The following FBLN7 variants were observed in gnomAD, a reference collection of about 807,000 sequenced individuals.
FBLN7 encodes the protein fibulin-7.
In FBLN7, 31 loss-of-function variants were observed where a neutral mutation model predicts 44.0. The ratio of observed to expected loss-of-function variants is 0.70; its 90% CI spans 0.53 to 0.95. The LOEUF is 0.95. Among genes scored for constraint, FBLN7 ranks in the 40% least tolerant of loss-of-function variants. FBLN7 has a pLI of 0.00. For synonymous variants in FBLN7, 262 were observed against 253.4 expected, an observed-to-expected ratio of 1.03 and a Z score of -0.32; for missense variants, 573 against 618.5, an observed-to-expected ratio of 0.93 and a Z score of 0.78.
At chr2:112,188,541 G>C (rs922161671), downstream of FBLN7, 1 of 152,092 alleles carries the variant, frequency 6.6e-6, no homozygotes, top group African/African-American at 2.4e-5. Context: ...GGTGTGGTAG[G>C]ATGGGGTATG....
chr2:112,199,503 A>G, the FBLN7 span, among the ~76,000 whole-genome samples: 447 of 152,062 alleles, frequency 2.9e-3, 2 homozygotes, highest in Non-Finnish European at 5.2e-3. Context: ...ACACCCACTC[A>G]CTCACACAGC....
intron 2 of FBLN7, among the ~76,000 whole-genome samples, 181 bp downstream of exon 2, chr2:112,160,016 A>G (rs938064071): frequency 1.3e-5 from 2 of 150,846 alleles, no homozygotes; most frequent in Non-Finnish European, 1.5e-5. Context: ...TTTGAGACGG[A>G]GTCTCGCTCT....
the FBLN7 span, among the ~76,000 whole-genome samples, chr2:112,229,078 T>C: frequency 1.5e-4 from 23 of 152,168 alleles, no homozygotes; most frequent in Non-Finnish European, 2.8e-4. Flanking sequence ...AGATAGTATA[T>C]ACTGGAGAAA....
the FBLN7 span, among the ~76,000 whole-genome samples, chr2:112,204,526 G>A: frequency 6.6e-6 from 1 of 152,048 alleles, no homozygotes; most frequent in Non-Finnish European, 1.5e-5. Context: ...TGGTCAAACT[G>A]TTGAAAGTCA....
rs199745334 is a variant in FBLN7, at chr2:112,148,343, T to G, written c.75+9613T>G. 9.8e-5 allele frequency among the ~76,000 whole-genome samples: 15 copies of G among 152,304 alleles called. No homozygotes were observed. In the East Asian group the frequency reaches 2.7e-3, roughly 27 times the overall value. ...TGTTCACTAACCCTGAAGTAGAGAT[T>G]TTAATACTAATGCATGAAGATGAGC... is the stretch of plus-strand genomic sequence containing the variant. On this transcript the variant is annotated intron_variant, in intron 1 of 7. Coordinates refer to ENST00000331203, the MANE Select transcript of FBLN7 (RefSeq NM_153214.3).
chr2:112,193,421 CAG>C, the FBLN7 span, among the ~76,000 whole-genome samples: 15 of 152,216 alleles, frequency 9.9e-5, no homozygotes, highest in African/African-American at 3.1e-4. Flanking sequence ...GCCTAGGTGA[CAG>C]AGCAAGACTC....
At chr2:112,196,976 A>G in the FBLN7 span, among the ~76,000 whole-genome samples, 1 of 151,920 alleles carries the variant, frequency 6.6e-6, no homozygotes, top group Admixed American at 6.6e-5. Context: ...ATCTCCTAAG[A>G]CTTATTCACT....
chr2:112,159,947 TC>T lies in FBLN7; in HGVS notation c.235+114del, dbSNP rs1325431830. 14 of 822,136 alleles carry T rather than the reference TC, an allele frequency of 1.7e-5. No homozygotes were observed. The East Asian group carries it at 4.7e-4, about 28-fold the overall frequency. The allele number at this position is 822,136 out of a possible 1,614,324, so 50.9% of individuals were successfully genotyped here. On this transcript the variant is annotated intron_variant, in intron 2 of 7. Transcript: ENST00000331203. ...ACCCCTCACCCTTCCCCCATCACCT[TC>T]CATCTTCCAACTGTGGCCCCCCCTT...
the FBLN7 span, among the ~76,000 whole-genome samples, chr2:112,204,445 T>C: frequency 1.1e-4 from 16 of 152,022 alleles, no homozygotes; most frequent in African/African-American, 3.9e-4. Flanking sequence ...AAAACACTAA[T>C]ATGCACATCC....
the FBLN7 span, among the ~76,000 whole-genome samples, chr2:112,222,995 G>GT: frequency 1.3e-5 from 2 of 151,880 alleles, no homozygotes; most frequent in African/African-American, 4.8e-5. Flanking sequence ...TTTCTTTAGT[G>GT]TTTTTTTAAA....
chr2:112,178,160 T>C (rs1213998923), intron 4 of FBLN7: 2 of 151,004 alleles, frequency 1.3e-5, no homozygotes, highest in Non-Finnish European at 2.9e-5. Context: ...ACAGCGAGAC[T>C]CTGTCTCAAA....
the FBLN7 span, among the ~76,000 whole-genome samples, chr2:112,223,350 T>C: frequency 2.4e-4 from 36 of 152,166 alleles, no homozygotes; most frequent in African/African-American, 8.4e-4. Context: ...TTAGATGTAA[T>C]GGACAAATTT....
chr2:112,175,655 GTATT>G (rs1229823585), intron 3 of FBLN7, 55 bp from the exon 4 acceptor site: 4 of 1,593,458 alleles, frequency 2.5e-6, no homozygotes, highest in Non-Finnish European at 3.4e-6. Context: ...GTTTTTTATT[GTATT>G]TGTTTTAGAC....
chr2:112,145,453 TTATA>T (rs1234244740), intron 1 of FBLN7, among the ~76,000 whole-genome samples: 3 of 152,182 alleles, frequency 2.0e-5, no homozygotes, highest in Non-Finnish European at 2.9e-5. Context: ...TGAGCGCTCT[TTATA>T]TATTCTAAAT....
At chr2:112,180,913 ACT>A (rs1682953444) in intron 4 of FBLN7, among the ~76,000 whole-genome samples, 1 of 108,738 alleles carries the variant, frequency 9.2e-6, no homozygotes, top group East Asian at 2.8e-4. Context: ...ACAGAGTGAG[ACT>A]CTGTCTCAAA....
intron 1 of FBLN7, among the ~76,000 whole-genome samples, chr2:112,144,518 CTTTTCTTT>C (rs1478360066): frequency 2.2e-5 from 3 of 137,000 alleles, no homozygotes; most frequent in Non-Finnish European, 3.1e-5. Context: ...TTTTTGTTTT[CTTTTCTTT>C]TTTTTTTTTT....
At chr2:112,189,202 G>A (rs1285582590), downstream of FBLN7, 1 of 152,258 alleles carries the variant, frequency 6.6e-6, no homozygotes, top group South Asian at 2.1e-4. Flanking sequence ...TCCAGAGCAG[G>A]TGCCCTCTAA....
intron 6 of FBLN7, among the ~76,000 whole-genome samples, chr2:112,184,438 C>T (rs1683147752): frequency 6.6e-6 from 1 of 152,070 alleles, no homozygotes; most frequent in Non-Finnish European, 1.5e-5. Context: ...CACACTCCCT[C>T]CCTCCCACAG....
At chr2:112,154,683 T>G (rs1681327668) in intron 1 of FBLN7, among the ~76,000 whole-genome samples, 1 of 152,094 alleles carries the variant, frequency 6.6e-6, no homozygotes, top group Non-Finnish European at 1.5e-5. Flanking sequence ...CCATAGCCCC[T>G]CACAGCACCC....
Sources: gnomAD v4.1 joint callset for allele counts (sites outside exome capture counted in the v4.1 genomes callset) on GRCh38, gnomAD v4.1.1 for gene constraint, MANE v1.5 for transcripts, NCBI Gene and HGNC (gene_info 2026-07-23, HGNC 2026-07-21) for gene names.